The following TANC2 variants were observed in gnomAD, a reference collection of about 807,000 sequenced individuals.
The protein encoded by TANC2 is protein TANC2.
Under a neutral mutation model 210.5 loss-of-function variants are expected in TANC2, and 26 were observed. The ratio of observed to expected loss-of-function variants is 0.12; its 90% CI spans 0.09 to 0.17. The LOEUF is 0.17. Ranked by LOEUF, TANC2 falls within the 10% of genes least tolerant of loss-of-function variation. TANC2 has a pLI of 1.00. For synonymous variants in TANC2, 931 were observed against 967.1 expected, an observed-to-expected ratio of 0.96 and a Z score of 0.69; for missense variants, 2,129 against 2,608.9, an observed-to-expected ratio of 0.82 and a Z score of 4.01.
At chr17:63,128,575 TAATA>T (rs1310860669) in intron 4 of TANC2, among the ~76,000 whole-genome samples, 13 of 152,246 alleles carry the variant, frequency 8.5e-5, no homozygotes, top group African/African-American at 3.1e-4. Flanking sequence ...AGAGTTTGTT[TAATA>T]AATGTACATT....
At chr17:63,263,537 C>T (rs1359898670) in intron 8 of TANC2, among the ~76,000 whole-genome samples, 1 of 152,148 alleles carries the variant, frequency 6.6e-6, no homozygotes, top group Non-Finnish European at 1.5e-5. Flanking sequence ...TTTGATTTCT[C>T]TGTAAATCAA....
At chr17:63,111,288 G>A (rs1179132343) in intron 4 of TANC2, among the ~76,000 whole-genome samples, 1 of 152,126 alleles carries the variant, frequency 6.6e-6, no homozygotes, top group Non-Finnish European at 1.5e-5. Context: ...GACAGAGTGA[G>A]ACTCTGTCTC....
intron 4 of TANC2, among the ~76,000 whole-genome samples, chr17:63,114,365 T>TAA: frequency 6.6e-6 from 1 of 152,228 alleles, no homozygotes; most frequent in Non-Finnish European, 1.5e-5. Flanking sequence ...TTTAGAGTTG[T>TAA]AACTATTTTA....
intron 5 of TANC2, among the ~76,000 whole-genome samples, chr17:63,191,421 G>A (rs527649185): frequency 1.3e-5 from 2 of 151,552 alleles, no homozygotes; most frequent in African/African-American, 4.8e-5. Context: ...GTCCTACAGA[G>A]CAACTTCAAA....
chr17:63,123,559 A>G (rs80264953), intron 4 of TANC2, among the ~76,000 whole-genome samples: 9 of 95,686 alleles, frequency 9.4e-5, no homozygotes, highest in Non-Finnish European at 1.7e-4. Flanking sequence ...ATTCTGTCTC[A>G]AAAAAAAAAA....
chr17:63,310,413 C>T (rs1288586821), intron 9 of TANC2, among the ~76,000 whole-genome samples: 1 of 152,070 alleles, frequency 6.6e-6, no homozygotes, highest in African/African-American at 2.4e-5. Context: ...CGCCACTGCA[C>T]TCCAGCCAGG....
intron 9 of TANC2, among the ~76,000 whole-genome samples, chr17:63,306,237 CA>C (rs1181928582): frequency 2.0e-5 from 3 of 152,154 alleles, no homozygotes; most frequent in Admixed American, 2.0e-4. Context: ...AGGAAAAATT[CA>C]TAAGACTTGA....
At chr17:63,120,805 C>A (rs1235436852) in intron 4 of TANC2, 2 of 107,982 alleles carry the variant, frequency 1.9e-5, no homozygotes, top group African/African-American at 8.2e-5. Flanking sequence ...CAGTATGAGA[C>A]CCTGTCTCAA....
At chr17:63,205,258 C>A (rs569992746) in intron 7 of TANC2, among the ~76,000 whole-genome samples, 2 of 140,314 alleles carry the variant, frequency 1.4e-5, no homozygotes, top group African/African-American at 5.2e-5. Flanking sequence ...CATTTACCAT[C>A]TACCATATAC....
At chr17:63,321,802 C>G (rs1302249296) in intron 11 of TANC2, among the ~76,000 whole-genome samples, 2 of 152,146 alleles carry the variant, frequency 1.3e-5, no homozygotes, top group Non-Finnish European at 2.9e-5. Flanking sequence ...CTCTAGTTCT[C>G]TTTCCTGTGG....
At chr17:62,979,976 T>A (rs1022250392) in intron 1 of TANC2, among the ~76,000 whole-genome samples, 3 of 152,202 alleles carry the variant, frequency 2.0e-5, no homozygotes, top group African/African-American at 7.2e-5. Context: ...GGCCTTATTC[T>A]CCTCCACTAG....
At chr17:63,212,054 G>A (rs969312268) in intron 7 of TANC2, among the ~76,000 whole-genome samples, 4 of 151,702 alleles carry the variant, frequency 2.6e-5, no homozygotes, top group African/African-American at 4.8e-5. Flanking sequence ...AACAGGCCCC[G>A]GTGTGTGATG....
At chr17:63,066,655 A>G (rs1245610697) in intron 2 of TANC2, among the ~76,000 whole-genome samples, 1 of 152,068 alleles carries the variant, frequency 6.6e-6, no homozygotes, top group African/African-American at 2.4e-5. Flanking sequence ...AATTCACATA[A>G]GCCAAAATAC....
intron 4 of TANC2, chr17:63,151,039 T>G (rs988029786): frequency 6.6e-6 from 1 of 152,168 alleles, no homozygotes; most frequent in Non-Finnish European, 1.5e-5. Flanking sequence ...GTTAGTTTTT[T>G]TTTTTTTTTT....
intron 1 of TANC2, among the ~76,000 whole-genome samples, chr17:62,976,061 GT>G (rs1315920413): frequency 6.6e-6 from 1 of 151,956 alleles, no homozygotes; most frequent in Non-Finnish European, 1.5e-5. Flanking sequence ...ATTTTCTTTT[GT>G]GAAGTATTTG....
At position 63,209,150 on chromosome 17, in the gene TANC2, C is replaced by CA. The variant is rs1349545119; in HGVS notation, c.769+8194dup. Among the ~76,000 whole-genome samples the CA allele has an allele frequency of 2.6e-5, 4 of 152,128 alleles. No homozygotes were observed. The East Asian group carries it at 7.7e-4, about 29-fold the overall frequency. On this transcript the variant is annotated intron_variant, in intron 7 of 27. Coordinates refer to ENST00000689528, the Ensembl canonical transcript of TANC2. The stretch of plus-strand genomic sequence containing the variant: ...TCAGTCTCCCAAGCATCTGGGACTA[C>CA]AGGCGCATGCCACCACACCCAGCTA...
intron 8 of TANC2, among the ~76,000 whole-genome samples, chr17:63,241,459 A>G (rs1355214179): frequency 2.0e-5 from 3 of 152,218 alleles, no homozygotes; most frequent in Non-Finnish European, 4.4e-5. Context: ...ACCAGGGCCC[A>G]TGGGCCAAGT....
rs140992823 is a variant in TANC2, at chr17:63,362,917, CTATT to C, written c.2582+7531_2582+7534del. ...GTCTGTTTACAGCTCACCCTAGACT[CTATT>C]TATAGTTTTTTTTAGGAACCTCCAA... On this transcript the variant is annotated intron_variant, in intron 14 of 27. Coordinates refer to ENST00000689528, the Ensembl canonical transcript of TANC2. Among the ~76,000 whole-genome samples, 657 of 152,270 alleles carry C rather than the reference CTATT, an allele frequency of 4.3e-3. 6 individuals are homozygous for C. The highest frequency in any genetic ancestry group is 0.014 in the African/African-American group (566 of 41,556).
At chr17:63,349,809 C>T (rs956145816) in intron 12 of TANC2, among the ~76,000 whole-genome samples, 4 of 152,168 alleles carry the variant, frequency 2.6e-5, no homozygotes, top group African/African-American at 9.7e-5. Context: ...CCACCCCCCT[C>T]GTTGTTTGGG....
Sources: gnomAD v4.1 joint callset for allele counts (sites outside exome capture counted in the v4.1 genomes callset) on GRCh38, gnomAD v4.1.1 for gene constraint, MANE v1.5 for transcripts, NCBI Gene and HGNC (gene_info 2026-07-23, HGNC 2026-07-21) for gene names.